Variants in TTN observed in about 807,000 individuals in gnomAD.
TTN encodes the protein titin.
Under a neutral mutation model 3,223.0 loss-of-function variants are expected in TTN, and 1,525 were observed. The observed-to-expected ratio is 0.47, with a 90% CI of 0.45 to 0.49. The LOEUF is 0.49. TTN is among the 20% of genes least tolerant of loss of function. TTN has a pLI of 0.00. For missense variants in TTN, 40,786 were observed against 43,424.0 expected (o/e 0.94, Z 5.40); for synonymous variants, 14,094 against 15,161.0 (o/e 0.93, Z 5.17).
chr2:178,650,209 C>A lies in TTN; in HGVS notation c.39772G>T (p.Val13258Phe). Residue 13258 changes from valine to phenylalanine, a missense_variant, in exon 210 of 363, where the codon GTT (valine) becomes TTT (phenylalanine). Transcript: ENST00000589042. Reference sequence around the variant, plus strand: ...GGTTCCTCCTCTTCTGCAACAGGAACTGGCTTTTCCTCTTCAGGAGCAATT... The same window carrying A: ...GGTTCCTCCTCTTCTGCAACAGGAAATGGCTTTTCCTCTTCAGGAGCAATT... Reference protein sequence around the residue: ...EEIAPEEEKPVPVAEEEEPEV... With the variant: ...EEIAPEEEKPFPVAEEEEPEV... The A allele has an allele frequency of 6.3e-7, 1 of 1,597,650 alleles. No individual in the cohort carries two copies. Among genetic ancestry groups the A allele is most frequent in the Non-Finnish European group, 8.5e-7 (1 of 1,171,132 alleles).
At chr2:178,748,922 T>A in intron 47 of TTN, 2 of 1,612,520 alleles carry the variant, frequency 1.2e-6, no homozygotes, top group Non-Finnish European at 8.5e-7. Context: ...TGAAAAGGCT[T>A]TGTCATCAAT....
At chr2:178,797,759 G>A (rs1014812500) in intron 6 of TTN, among the ~76,000 whole-genome samples, 4 of 152,046 alleles carry the variant, frequency 2.6e-5, no homozygotes, top group Admixed American at 1.3e-4. Context: ...GTGCTGTTTG[G>A]TTTAGAAATG....
In TTN at chr2:178,577,431, G is replaced by A. The variant is rs927987931; in HGVS notation, c.68904C>T (p.Ala22968=). ...IKAGDTIVLN[A]ISILGKPLPK... ...GAAGGGGTTTGCCAAGAATGCTAAT[G>A]GCATTCAAAACAATGGTATCCCCTG... The change falls in exon 324 of 363, where the codon GCC becomes GCT. Residue 22968 remains alanine, a synonymous_variant. Coordinates refer to ENST00000589042, the MANE Select transcript of TTN (RefSeq NM_001267550.2). 2.5e-6 allele frequency: 4 copies of A among 1,610,312 alleles called. No individual in the cohort carries two copies. The highest frequency in any genetic ancestry group is 2.5e-6 in the Non-Finnish European group (3 of 1,178,142).
intron 47 of TTN, chr2:178,751,223 T>C: frequency 1.9e-6 from 3 of 1,609,976 alleles, no homozygotes; most frequent in Non-Finnish European, 2.5e-6. Flanking sequence ...TGAGCTTATT[T>C]CAGAAGACGT....
chr2:178,676,518 A>G (rs1577275491), intron 147 of TTN, among the ~76,000 whole-genome samples: 1 of 152,014 alleles, frequency 6.6e-6, no homozygotes, highest in African/African-American at 2.4e-5. Context: ...CTGATTGAAT[A>G]TGTTAAATCT....
intron 290 of TTN, 41 bp downstream of exon 290, chr2:178,599,105 A>AT: frequency 2.7e-6 from 4 of 1,508,634 alleles, no homozygotes; most frequent in Non-Finnish European, 3.5e-6. Flanking sequence ...TTAAAAAAAA[A>AT]GTAAAAATGG....
chr2:178,630,822 C>T lies in TTN; in HGVS notation c.44136G>A (p.Glu14712=). 5 of 1,613,018 alleles carry T rather than the reference C, an allele frequency of 3.1e-6. No individual in the cohort carries two copies. Among genetic ancestry groups the T allele is most frequent in the Non-Finnish European group, 4.2e-6 (5 of 1,179,348 alleles). ...DIHANWKLKG[E]ALLQTPDCEI... is the part of the protein sequence containing the mutation. ...GCCTTACAGGTGTTTGGAGTAGGGC[C>T]TCTCCCTTGAGTTTCCAGTTGGCGT... The change falls in exon 238 of 363, where the codon GAG becomes GAA. Residue 14712 remains glutamate (E), a synonymous_variant. Coordinates refer to ENST00000589042, the MANE Select transcript of TTN (RefSeq NM_001267550.2).
intron 218 of TTN, among the ~76,000 whole-genome samples, chr2:178,643,539 G>A (rs1229174253): frequency 6.6e-6 from 1 of 151,746 alleles, no homozygotes; most frequent in East Asian, 1.9e-4. Flanking sequence ...AAAGTGAGGA[G>A]GCATAATATA....
intron 87 of TTN, 29 bp downstream of exon 87, chr2:178,717,494 C>T: frequency 6.4e-7 from 1 of 1,571,246 alleles, no homozygotes. Flanking sequence ...AGCTGCTTTA[C>T]AATGAAGAGG....
intron 294 of TTN, among the ~76,000 whole-genome samples, chr2:178,596,147 T>C (rs560245270): frequency 8.6e-4 from 131 of 151,974 alleles, no homozygotes; most frequent in African/African-American, 3.2e-3. Flanking sequence ...TGTGCCACCA[T>C]ACCAGGCTAA....
rs377603482 is a variant in TTN at position 178,544,386 on chromosome 2, A to G, written c.95843T>C (p.Met31948Thr). Residue 31948 changes from methionine to threonine, a missense_variant, in exon 345 of 363, where the codon ATG (methionine) becomes ACG (threonine). Met to Thr is a moderately conservative substitution (Grantham distance 81). Transcript: ENST00000589042. ...CCACTGATCAGTGTCCTTCTCTTGCATTTCCAGAACATATCCTACAATGTC... is the reference window on the plus strand; with the variant it reads ...CCACTGATCAGTGTCCTTCTCTTGCGTTTCCAGAACATATCCTACAATGTC... ...GTDIVGYVLE[M>T]QEKDTDQWYR... 1.7e-5 allele frequency: 28 copies of G among 1,613,616 alleles called. No homozygotes were observed. In the African/African-American group the frequency reaches 3.5e-4, roughly 20 times the overall value.
chr2:178,733,390 C>T lies in TTN; in HGVS notation c.15903G>A (p.Leu5301=), dbSNP rs1352430801. Residue 5301 remains leucine, a synonymous_variant, in exon 54 of 363, where the codon TTG becomes TTA. Transcript: ENST00000589042. ...TTATTCGGTATTTTTTACTGGCGAC[C>T]AAGGGTCTCCCATCTTTGTACCATT... ...KPKWYKDGRP[L]VASKKYRISF... 1.1e-5 allele frequency: 18 copies of T among 1,613,604 alleles called. No homozygotes were observed. Among genetic ancestry groups the T allele is most frequent in the Admixed American group, 1.7e-5 (1 of 59,972 alleles).
At position 178,583,648 on chromosome 2, in the gene TTN, G is replaced by A. The variant is rs201662134; in HGVS notation, c.65534C>T (p.Pro21845Leu). The A allele has an allele frequency of 2.6e-4, 417 of 1,611,406 alleles. 1 individual carries two copies. The highest frequency in any genetic ancestry group is 8.4e-4 in the Middle Eastern group (5 of 5,978). The change falls in exon 312 of 363, where the codon CCT (proline) becomes CTT (leucine). Residue 21845 changes from proline to leucine, a missense_variant. Coordinates refer to ENST00000589042, the MANE Select transcript of TTN (RefSeq NM_001267550.2). Reference sequence around the variant, plus strand: ...AGTCACTGGATCAGAAGGTTCAGAAGGTGGGCTAATGTTTACCGCGGTCCT... The same window carrying A: ...AGTCACTGGATCAGAAGGTTCAGAAAGTGGGCTAATGTTTACCGCGGTCCT... ...IARTAVNISP[P>L]SEPSDPVTIL...
chr2:178,749,676 T>C lies in TTN; in HGVS notation c.11311+3448A>G, dbSNP rs541264551. On this transcript the variant is annotated intron_variant, in intron 47 of 362. Transcript: ENST00000589042. ...GGCTCCACTGTTAGATCTGAAACAC[T>C]TTCAACTGCCCCTGAATTGTTTTCA... The C allele has an allele frequency of 4.5e-5, 72 of 1,612,876 alleles. No individual in the cohort carries two copies. In the Admixed American group the frequency reaches 1.2e-3, roughly 27 times the overall value.
chr2:178,551,637 AG>A lies in TTN; in HGVS notation c.91262del (p.Ser30421PhefsTer3). 1 of 1,576,992 alleles carries A rather than the reference AG, an allele frequency of 6.3e-7. No homozygotes were observed. The highest frequency in any genetic ancestry group is 8.6e-7 in the Non-Finnish European group (1 of 1,161,822). On this transcript the variant is annotated frameshift_variant, in exon 335 of 363. Transcript: ENST00000589042. LOFTEE classifies it high-confidence loss of function. The part of the protein sequence containing the change: ...SDPSKFTLAV[S>X]PVDPPGTPDY... Reference sequence around the variant, plus strand: ...TGAATAATAATCACTTACCTACTGGAGAAACAGCTAAGGTAAATTTGCTTGG... The same window carrying A: ...TGAATAATAATCACTTACCTACTGGAAAACAGCTAAGGTAAATTTGCTTGG...
At position 178,620,479 on chromosome 2, in the gene TTN, A is replaced by C. The variant is rs766291551; in HGVS notation, c.46042T>G (p.Ser15348Ala). The change falls in exon 248 of 363, where the codon TCA (serine) becomes GCA (alanine). Residue 15348 changes from serine to alanine, a missense_variant. Coordinates refer to ENST00000589042, the MANE Select transcript of TTN (RefSeq NM_001267550.2). ...GEEVPFDNRV[S>A]YRVDKYKHML... ...TGCTTGTACTTATCAACTCTGTATG[A>C]GACACGGTTGTCAAAAGGCACTTCT... The C allele has an allele frequency of 6.2e-7, 1 of 1,612,450 alleles. No individual in the cohort carries two copies.
intron 76 of TTN, 53 bp downstream of exon 76, chr2:178,722,606 A>C: frequency 6.3e-7 from 1 of 1,591,268 alleles, no homozygotes; most frequent in South Asian, 1.2e-5. Flanking sequence ...TTCACCATAA[A>C]GATACAAGAG....
intron 111 of TTN, among the ~76,000 whole-genome samples, chr2:178,699,471 G>T (rs2074438924): frequency 8.6e-6 from 1 of 116,216 alleles, no homozygotes. Flanking sequence ...GATTGCAGTG[G>T]CGCAATCTCG....
At chr2:178,649,124 TC>T (rs1164358375) in intron 213 of TTN, 123 bp downstream of exon 213, 4 of 738,644 alleles carry the variant, frequency 5.4e-6, no homozygotes, top group Non-Finnish European at 4.1e-6. Context: ...CTTCATTATT[TC>T]CCTTTTTTCT....
Sources: gnomAD v4.1 joint callset for allele counts (sites outside exome capture counted in the v4.1 genomes callset) on GRCh38, gnomAD v4.1.1 for gene constraint, MANE v1.5 for transcripts, NCBI Gene and HGNC (gene_info 2026-07-23, HGNC 2026-07-21) for gene names.